The following SORCS3 variants were observed in gnomAD, a reference collection of about 807,000 sequenced individuals.
The protein encoded by SORCS3 is VPS10 domain-containing receptor SorCS3.
A neutral mutation model predicts 146.3 loss-of-function variants in SORCS3; 57 were observed. The ratio of observed to expected loss-of-function variants is 0.39; its 90% CI spans 0.31 to 0.49. The LOEUF is 0.49. SORCS3 is among the 20% of genes least tolerant of loss of function. The probability of loss-of-function intolerance (pLI) is 0.92; values close to 1 mark genes in which losing one functional copy is unlikely to be tolerated. For missense variants in SORCS3, 1,341 were observed against 1,575.5 expected (o/e 0.85, Z 2.52); for synonymous variants, 653 against 618.5 (o/e 1.06, Z -0.83).
intron 1 of SORCS3, among the ~76,000 whole-genome samples, chr10:104,765,920 T>C (rs920969418): frequency 6.6e-6 from 1 of 152,208 alleles, no homozygotes; most frequent in African/African-American, 2.4e-5. Context: ...TCTGTGTTTT[T>C]AGCTGCCTTA....
chr10:104,795,863 C>G (rs1360308287), intron 1 of SORCS3, among the ~76,000 whole-genome samples: 1 of 152,198 alleles, frequency 6.6e-6, no homozygotes, highest in Non-Finnish European at 1.5e-5. Flanking sequence ...CTGACTTGAC[C>G]AATTCCATGT....
intron 1 of SORCS3, among the ~76,000 whole-genome samples, chr10:104,733,355 T>A (rs2016730065): frequency 6.6e-6 from 1 of 152,092 alleles, no homozygotes; most frequent in Non-Finnish European, 1.5e-5. Flanking sequence ...TTTGATAATT[T>A]TTTTTTATTT....
At chr10:105,004,005 T>TC (rs2133675195) in intron 4 of SORCS3, among the ~76,000 whole-genome samples, 1 of 150,510 alleles carries the variant, frequency 6.6e-6, no homozygotes, top group African/African-American at 2.5e-5. Context: ...TCTCTCTTTT[T>TC]TTTTTTTTTA....
intron 4 of SORCS3, among the ~76,000 whole-genome samples, chr10:105,003,512 A>G (rs1249997404): frequency 1.3e-5 from 2 of 152,146 alleles, no homozygotes; most frequent in East Asian, 3.9e-4. Context: ...CCATGATTAA[A>G]TGGAGCCTAA....
chr10:105,112,246 T>C (rs2055863410), intron 7 of SORCS3, among the ~76,000 whole-genome samples: 1 of 145,244 alleles, frequency 6.9e-6, no homozygotes, highest in Non-Finnish European at 1.5e-5. Context: ...GTGTATTGCT[T>C]TTAAAAAATT....
At chr10:105,088,440 G>A (rs962520142) in intron 5 of SORCS3, among the ~76,000 whole-genome samples, 1 of 151,978 alleles carries the variant, frequency 6.6e-6, no homozygotes. Flanking sequence ...ACTAAATTTC[G>A]ACCTTTCAAG....
At position 105,207,480 on chromosome 10, in the gene SORCS3, A is replaced by G. The variant is rs1564784911; in HGVS notation, c.2262-3657A>G. On this transcript the variant is annotated intron_variant, in intron 16 of 26. Transcript: ENST00000369701. ...AGGAAAATGTGTGTGTGTTTGCAGA[A>G]TCCGCAGCAGTAGACTTCCCCGAGG... Among the ~76,000 whole-genome samples, 3 of 152,212 alleles carry G rather than the reference A, an allele frequency of 2.0e-5. 1 individual carries two copies. The South Asian group carries it at 6.2e-4, about 32-fold the overall frequency.
intron 7 of SORCS3, among the ~76,000 whole-genome samples, chr10:105,111,262 G>A (rs1262400079): frequency 6.6e-6 from 1 of 152,094 alleles, no homozygotes; most frequent in African/African-American, 2.4e-5. Context: ...AGTCTTCCCT[G>A]ACATCCTCAG....
intron 1 of SORCS3, among the ~76,000 whole-genome samples, chr10:104,674,142 CT>C (rs2133259588): frequency 6.6e-6 from 1 of 152,340 alleles, no homozygotes; most frequent in African/African-American, 2.4e-5. Context: ...GTCTCTCCCC[CT>C]GGGAATAATC....
chr10:105,144,899 A>G (rs548657653), intron 8 of SORCS3, among the ~76,000 whole-genome samples: 1 of 152,236 alleles, frequency 6.6e-6, no homozygotes, highest in East Asian at 1.9e-4. Flanking sequence ...TCTAGTTATT[A>G]TTGGTTGACC....
At chr10:104,884,637 G>T (rs1052258523) in intron 2 of SORCS3, among the ~76,000 whole-genome samples, 2 of 152,078 alleles carry the variant, frequency 1.3e-5, no homozygotes, top group African/African-American at 4.8e-5. Flanking sequence ...GGGAGGATCA[G>T]GTTCCATTGG....
At chr10:104,746,588 T>C (rs1234941246) in intron 1 of SORCS3, among the ~76,000 whole-genome samples, 2 of 152,252 alleles carry the variant, frequency 1.3e-5, no homozygotes, top group Non-Finnish European at 2.9e-5. Context: ...CACCATTCTG[T>C]ATAAAAATCA....
At chr10:105,129,331 CTTTTTTTTTTT>C (rs71022753) in intron 7 of SORCS3, among the ~76,000 whole-genome samples, 2 of 104,634 alleles carry the variant, frequency 1.9e-5, no homozygotes, top group Non-Finnish European at 3.7e-5. Flanking sequence ...CTTTCTTTCT[CTTTTTTTTTTT>C]TTTTTTTTTT....
Position 105,230,946 on chromosome 10 carries a change from C to A in SORCS3, c.2868+7697C>A, listed in dbSNP as rs555099727. 3.3e-5 allele frequency among the ~76,000 whole-genome samples: 5 copies of A among 152,262 alleles called. No individual in the cohort carries two copies. The South Asian group carries it at 1.0e-3, about 32-fold the overall frequency. On this transcript the variant is annotated intron_variant, in intron 20 of 26. Coordinates refer to ENST00000369701, the MANE Select transcript of SORCS3 (RefSeq NM_014978.3). Reference sequence around the variant, plus strand: ...GGAGCTGCTTATGTCAGTTTCAGGGCCCACAATGGTCAAGAGGCTCTCCAG... The same window carrying A: ...GGAGCTGCTTATGTCAGTTTCAGGGACCACAATGGTCAAGAGGCTCTCCAG...
chr10:104,725,675 G>T (rs1001390224), intron 1 of SORCS3, among the ~76,000 whole-genome samples: 2 of 152,226 alleles, frequency 1.3e-5, no homozygotes, highest in Non-Finnish European at 2.9e-5. Flanking sequence ...CTCGGCAATG[G>T]CGGGTGACCC....
chr10:104,973,155 T>C (rs1458225583), intron 3 of SORCS3, among the ~76,000 whole-genome samples: 1 of 152,214 alleles, frequency 6.6e-6, no homozygotes, highest in Non-Finnish European at 1.5e-5. Flanking sequence ...TCTAAAATTC[T>C]CTTTTTTGGT....
intron 1 of SORCS3, among the ~76,000 whole-genome samples, chr10:104,753,678 A>C (rs1322061497): frequency 6.6e-6 from 1 of 152,158 alleles, no homozygotes; most frequent in Non-Finnish European, 1.5e-5. Context: ...AAATACACTA[A>C]CTTTCATTAC....
At chr10:104,793,884 G>A (rs766540430) in intron 1 of SORCS3, among the ~76,000 whole-genome samples, 6 of 152,184 alleles carry the variant, frequency 3.9e-5, no homozygotes, top group Non-Finnish European at 5.9e-5. Flanking sequence ...CATTTAGGTG[G>A]CAATGAAACC....
At chr10:105,089,374 G>T (rs1434223434) in intron 5 of SORCS3, among the ~76,000 whole-genome samples, 5 of 152,204 alleles carry the variant, frequency 3.3e-5, no homozygotes, top group African/African-American at 1.2e-4. Context: ...GGAGGGCAGA[G>T]GAGGAGGAAG....
Sources: allele counts gnomAD v4.1 joint callset (sites outside exome capture counted in the v4.1 genomes callset), GRCh38; gene constraint gnomAD v4.1.1; transcripts MANE v1.5; gene names NCBI Gene and HGNC (gene_info 2026-07-23, HGNC 2026-07-21).